The following USP39 variants were observed in gnomAD, a reference collection of about 807,000 sequenced individuals.
USP39 encodes the protein ubiquitin specific peptidase 39, also known as ubiquitin carboxyl-terminal hydrolase 39.
Under a neutral mutation model 66.4 loss-of-function variants are expected in USP39, and 38 were observed. The ratio of observed to expected loss-of-function variants is 0.57; its 90% CI spans 0.44 to 0.75. The LOEUF is 0.75. Ranked by LOEUF, USP39 falls within the 30% of genes least tolerant of loss-of-function variation. The pLI is 0.00. For synonymous variants in USP39, 303 were observed against 274.6 expected (o/e 1.10, Z -1.02); for missense variants, 608 against 714.4 (o/e 0.85, Z 1.70).
chr2:85,611,271 C>A, upstream of USP39: 3 of 1,404,448 alleles, frequency 2.1e-6, no homozygotes, highest in Non-Finnish European at 2.8e-6. Flanking sequence ...CATATATTAA[C>A]CAGTGTGATC....
Position 85,616,441 on chromosome 2 carries a change from G to A in USP39, c.246G>A (p.Ser82=), listed in dbSNP as rs561349868. ...GGGAGCGCGAGGTCGATGAGGACTC[G>A]GAGCCTGAGCGGGAGGTGCGAGGTG... ...VKREREVDED[S]EPEREVRAKN... Residue 82 remains serine, a synonymous_variant, in exon 1 of 13, where the codon TCG becomes TCA. Coordinates refer to ENST00000323701, the MANE Select transcript of USP39 (RefSeq NM_006590.4). 69 of 1,567,894 alleles carry A rather than the reference G, an allele frequency of 4.4e-5. 1 individual carries two copies. In the Admixed American group the frequency reaches 7.8e-4, roughly 18 times the overall value.
intron 2 of USP39, chr2:85,621,225 A>G (rs1312571847): frequency 3.5e-6 from 1 of 287,576 alleles, no homozygotes; most frequent in African/African-American, 2.1e-5. Flanking sequence ...ACTGCAATGG[A>G]AAGTCCTGAA....
At chr2:85,609,316 T>G, upstream of USP39, 2 of 1,419,904 alleles carry the variant, frequency 1.4e-6, no homozygotes, top group Non-Finnish European at 1.9e-6. Flanking sequence ...AGGCCTAGAC[T>G]CACATGTGGA....
intron 10 of USP39, among the ~76,000 whole-genome samples, chr2:85,641,926 A>G (rs10180770): frequency 0.089 from 9,925 of 111,798 alleles, 841 homozygotes; most frequent in East Asian, 0.28. Flanking sequence ...AAAAAAAAAA[A>G]AAAGAAAGAA....
At chr2:85,612,047 A>C (rs1573380172), upstream of USP39, 2 of 1,241,138 alleles carry the variant, frequency 1.6e-6, no homozygotes, top group Non-Finnish European at 2.2e-6. Context: ...ACCCGCCCAC[A>C]GAGCTCCGCG....
At chr2:85,628,207 A>G (rs1675023237) in intron 5 of USP39, among the ~76,000 whole-genome samples, 1 of 152,016 alleles carries the variant, frequency 6.6e-6, no homozygotes, top group Non-Finnish European at 1.5e-5. Context: ...ATGCAGTGTC[A>G]CAATCTCAGC....
At chr2:85,611,638 G>C (rs1175781470), upstream of USP39, 2 of 1,565,888 alleles carry the variant, frequency 1.3e-6, no homozygotes, top group Non-Finnish European at 1.7e-6. Context: ...GAGCGCGCGG[G>C]CTGGAGGCAG....
upstream of USP39, chr2:85,616,179 C>T (rs1673910841): frequency 1.4e-6 from 2 of 1,403,358 alleles, no homozygotes; most frequent in South Asian, 1.6e-5. Context: ...CGCTGGACGA[C>T]TCGGCCGGTA....
At chr2:85,613,906 T>C (rs1234417926), upstream of USP39, among the ~76,000 whole-genome samples, 1 of 151,880 alleles carries the variant, frequency 6.6e-6, no homozygotes, top group African/African-American at 2.4e-5. Context: ...GCCTCCTGAA[T>C]AGCATGCCAC....
chr2:85,635,107 T>C (rs760355958), intron 6 of USP39, among the ~76,000 whole-genome samples: 8 of 152,238 alleles, frequency 5.3e-5, no homozygotes, highest in Non-Finnish European at 1.2e-4. Flanking sequence ...ATAAGAGCAT[T>C]CTGTGTACAG....
In USP39 at chr2:85,647,932, G is replaced by T. The variant is rs751532582; in HGVS notation, c.1566G>T (p.Gly522=). ...GSYRIHVLHH[G]TGKWYELQDL... ...CCAGCTCTTCATACTTTCTGCAGGGGACAGGCAAATGGTATGAATTACAAG... is the reference window on the plus strand; with the variant it reads ...CCAGCTCTTCATACTTTCTGCAGGGTACAGGCAAATGGTATGAATTACAAG... The change falls in exon 12 of 13, where the codon GGG becomes GGT. Residue 522 remains glycine, a splice_region_variant and synonymous_variant. Coordinates refer to ENST00000323701, the MANE Select transcript of USP39 (RefSeq NM_006590.4). The T allele has an allele frequency of 6.2e-7, 1 of 1,614,076 alleles. No individual in the cohort carries two copies. Among genetic ancestry groups the T allele is most frequent in the Non-Finnish European group, 8.5e-7 (1 of 1,180,002 alleles).
At chr2:85,603,118 C>T (rs1673067225) in intron 1 of USP39, 1 of 152,244 alleles carries the variant, frequency 6.6e-6, no homozygotes, top group Non-Finnish European at 1.5e-5. Context: ...CGTGGCGCCC[C>T]ATGCCTGCCT....
chr2:85,604,731 C>A (rs892028457), intron 1 of USP39, among the ~76,000 whole-genome samples: 6 of 152,236 alleles, frequency 3.9e-5, no homozygotes, highest in African/African-American at 1.4e-4. Context: ...ATTCCCACTG[C>A]GTAGGCACCT....
intron 6 of USP39, among the ~76,000 whole-genome samples, chr2:85,634,136 C>T (rs1172295868): frequency 5.9e-5 from 9 of 151,728 alleles, no homozygotes; most frequent in Admixed American, 2.6e-4. Context: ...CACGCCCGGC[C>T]GAGTAGTGGC....
upstream of USP39, chr2:85,609,520 G>C (rs749723585): frequency 1.2e-6 from 2 of 1,614,218 alleles, no homozygotes; most frequent in Admixed American, 3.3e-5. Context: ...CTCCAGCTCA[G>C]AGCCTCCACT....
At chr2:85,631,364 G>A (rs1478991035) in intron 6 of USP39, among the ~76,000 whole-genome samples, 1 of 149,204 alleles carries the variant, frequency 6.7e-6, no homozygotes, top group Non-Finnish European at 1.5e-5. Context: ...TGACCAGGCT[G>A]GAGTGCAGTG....
At position 85,645,167 on chromosome 2, in the gene USP39, G is replaced by A; in HGVS notation, c.1563+84G>A. On this transcript the variant is annotated intron_variant, in intron 11 of 12. Coordinates refer to ENST00000323701, the MANE Select transcript of USP39 (RefSeq NM_006590.4). ...ATCTCAGAGGGCAGCTCCCTTCAGT[G>A]TGTCCTTGCTTGGCCTTGGCTTTGG... 3.2e-6 allele frequency: 5 copies of A among 1,584,164 alleles called. No homozygotes were observed. In the Admixed American group the frequency reaches 8.6e-5, roughly 27 times the overall value.
At chr2:85,647,465 G>T (rs1444689321) in intron 11 of USP39, among the ~76,000 whole-genome samples, 3 of 151,706 alleles carry the variant, frequency 2.0e-5, no homozygotes, top group Non-Finnish European at 2.9e-5. Context: ...GAGACCAGGA[G>T]TTAGCCTGGG....
At chr2:85,644,565 A>G (rs1342952569) in intron 10 of USP39, among the ~76,000 whole-genome samples, 1 of 151,700 alleles carries the variant, frequency 6.6e-6, no homozygotes, top group East Asian at 1.9e-4. Context: ...CTGAGTAGCT[A>G]GGACCACATG....
Sources: gnomAD v4.1 joint callset for allele counts (sites outside exome capture counted in the v4.1 genomes callset) on GRCh38, gnomAD v4.1.1 for gene constraint, MANE v1.5 for transcripts, NCBI Gene and HGNC (gene_info 2026-07-23, HGNC 2026-07-21) for gene names.